The following EPYC variants were observed in gnomAD, a reference collection of about 807,000 sequenced individuals.
The protein encoded by EPYC is dermatan sulfate proteoglycan 3.
Under a neutral mutation model 30.1 loss-of-function variants are expected in EPYC, and 28 were observed. The observed-to-expected ratio is 0.93, with a 90% CI of 0.69 to 1.28. EPYC has a LOEUF of 1.28. Among genes scored for constraint, EPYC ranks in the 50% most tolerant of loss-of-function variants. EPYC has a pLI of 0.00. For synonymous variants in EPYC, 144 were observed against 141.4 expected (o/e 1.02, Z -0.13); for missense variants, 382 against 383.5 (o/e 1.00, Z 0.03).
At chr12:91,000,805 A>AC (rs1877805749) in intron 2 of EPYC, among the ~76,000 whole-genome samples, 1 of 151,618 alleles carries the variant, frequency 6.6e-6, no homozygotes, top group Non-Finnish European at 1.5e-5. Flanking sequence ...TTTTAAAAAA[A>AC]TGTGTTTTTA....
rs1359369928 is a variant in EPYC at position 90,974,072 on chromosome 12, A to ACCCC, written c.341-1096_341-1093dup. 1.9e-3 allele frequency among the ~76,000 whole-genome samples: 281 copies of ACCCC among 144,182 alleles called. 3 individuals carry two copies. Among genetic ancestry groups the ACCCC allele is most frequent in the Non-Finnish European group, 2.6e-4 (17 of 66,550 alleles). The allele number at this position is 144,182 out of a possible 152,430, so 94.6% of individuals were successfully genotyped here. On this transcript the variant is annotated intron_variant, in intron 3 of 6. Coordinates refer to ENST00000261172, the MANE Select transcript of EPYC (RefSeq NM_004950.5). ...CACACACACACACACACACACACACACCCCTACCTCTCCACCCCTTCTTCA... is the reference window on the plus strand; with the variant it reads ...CACACACACACACACACACACACACACCCCCCCCTACCTCTCCACCCCTTCTTCA...
chr12:91,001,953 C>T (rs187392383), intron 2 of EPYC, among the ~76,000 whole-genome samples: 1 of 152,004 alleles, frequency 6.6e-6, no homozygotes, highest in East Asian at 1.9e-4. Flanking sequence ...TTTGGGAAGG[C>T]TGAGGGGGGT....
At chr12:90,973,659 A>C (rs1877109227) in intron 3 of EPYC, among the ~76,000 whole-genome samples, 1 of 152,168 alleles carries the variant, frequency 6.6e-6, no homozygotes, top group Admixed American at 6.6e-5. Flanking sequence ...TGCAGGTAGG[A>C]CAGGAATGGT....
intron 5 of EPYC, among the ~76,000 whole-genome samples, chr12:90,971,436 G>T (rs1243460008): frequency 6.6e-6 from 1 of 152,024 alleles, no homozygotes; most frequent in Non-Finnish European, 1.5e-5. Flanking sequence ...TTGGGAGGCC[G>T]AAGCGGGAGG....
intron 5 of EPYC, 106 bp from the exon 6 acceptor site, chr12:90,970,245 TA>T (rs1234960726): frequency 1.5e-5 from 12 of 783,480 alleles, no homozygotes; most frequent in Middle Eastern, 2.8e-4. Flanking sequence ...CAGATATTTG[TA>T]AAATAGCATG....
chr12:90,994,635 C>T (rs946405229), intron 2 of EPYC, among the ~76,000 whole-genome samples: 7 of 152,066 alleles, frequency 4.6e-5, no homozygotes, highest in Admixed American at 3.9e-4. Flanking sequence ...GTTATGTGCT[C>T]AAGCAGAGCC....
chr12:90,974,308 C>A (rs1357065311), intron 3 of EPYC, among the ~76,000 whole-genome samples: 1 of 151,986 alleles, frequency 6.6e-6, no homozygotes, highest in African/African-American at 2.4e-5. Flanking sequence ...TTAGTTATTG[C>A]AGTGGTTATC....
At chr12:90,979,529 AC>A (rs1877275014) in intron 2 of EPYC, among the ~76,000 whole-genome samples, 1 of 152,172 alleles carries the variant, frequency 6.6e-6, no homozygotes, top group Admixed American at 6.5e-5. Flanking sequence ...ATTTAATATC[AC>A]TTATAATAGA....
At chr12:90,988,830 G>T (rs1322089603) in intron 2 of EPYC, among the ~76,000 whole-genome samples, 2 of 152,020 alleles carry the variant, frequency 1.3e-5, no homozygotes, top group Non-Finnish European at 2.9e-5. Flanking sequence ...TTTCTTTCTT[G>T]CTAGGACTTC....
At chr12:90,976,257 C>T (rs1333820138) in intron 3 of EPYC, among the ~76,000 whole-genome samples, 1 of 151,984 alleles carries the variant, frequency 6.6e-6, no homozygotes, top group Non-Finnish European at 1.5e-5. Context: ...CTATATCATA[C>T]TATTCATAGT....
intron 2 of EPYC, among the ~76,000 whole-genome samples, chr12:90,989,858 A>C (rs1478449144): frequency 1.3e-5 from 2 of 152,040 alleles, no homozygotes; most frequent in Admixed American, 1.3e-4. Flanking sequence ...GAAACTTAAT[A>C]AGTTTCTTAA....
At chr12:90,977,993 GGTCAT>G in intron 3 of EPYC, 90 bp downstream of exon 3, 1 of 1,155,218 alleles carries the variant, frequency 8.7e-7, no homozygotes, top group Non-Finnish European at 1.2e-6. Flanking sequence ...TTTTTTCTTG[GGTCAT>G]GTCATGTGGT....
At chr12:90,975,358 G>C (rs970581003) in intron 3 of EPYC, among the ~76,000 whole-genome samples, 1 of 151,748 alleles carries the variant, frequency 6.6e-6, no homozygotes, top group Non-Finnish European at 1.5e-5. Context: ...CTAACTCAAG[G>C]CTATATTACA....
intron 2 of EPYC, 93 bp downstream of exon 2, chr12:91,002,308 T>A: frequency 9.2e-7 from 1 of 1,087,070 alleles, no homozygotes; most frequent in South Asian, 1.6e-5. Flanking sequence ...TTTCTACTTA[T>A]AAAAAAACCC....
Position 90,963,963 on chromosome 12 carries a change from G to T in EPYC, c.*193C>A. 1 of 436,916 alleles carries T rather than the reference G, an allele frequency of 2.3e-6. No homozygotes were observed. 27.1% of individuals were successfully genotyped at this position (436,916 alleles called of 1,614,324 possible). A position where few individuals can be genotyped will look rare whatever the true frequency, so the allele number is the denominator to read the frequency against. On this transcript the variant is annotated 3_prime_UTR_variant, in exon 7 of 7. Coordinates refer to ENST00000261172, the MANE Select transcript of EPYC (RefSeq NM_004950.5). ...TTTTGCTCTTTTTGTAAATGTTATA[G>T]GTTTATTCCTAACTCATCTGGTGTT...
At chr12:90,990,181 T>A (rs1229433914) in intron 2 of EPYC, among the ~76,000 whole-genome samples, 2 of 152,096 alleles carry the variant, frequency 1.3e-5, no homozygotes, top group African/African-American at 4.8e-5. Flanking sequence ...AGTAATTTAG[T>A]ATTTTTTATT....
At chr12:90,999,295 T>A (rs1398613814) in intron 2 of EPYC, among the ~76,000 whole-genome samples, 2 of 152,112 alleles carry the variant, frequency 1.3e-5, no homozygotes, top group African/African-American at 4.8e-5. Flanking sequence ...TAAGAATTAA[T>A]CTGCCAAAGC....
intron 2 of EPYC, among the ~76,000 whole-genome samples, chr12:90,992,186 A>T (rs1041315485): frequency 1.3e-5 from 2 of 152,134 alleles, no homozygotes; most frequent in African/African-American, 2.4e-5. Flanking sequence ...CACAGTTCAC[A>T]ATAGTGTTTG....
chr12:90,974,030 ACACACACT>A lies in EPYC; in HGVS notation c.341-1058_341-1051del, dbSNP rs1426606688. 2.7e-3 allele frequency among the ~76,000 whole-genome samples: 215 copies of A among 79,702 alleles called. 1 individual carries two copies. Among genetic ancestry groups the A allele is most frequent in the Middle Eastern group, 5.8e-3 (1 of 172 alleles). The allele number at this position is 79,702 out of a possible 152,430, so 52.3% of individuals were successfully genotyped here. On this transcript the variant is annotated intron_variant, in intron 3 of 6. Transcript: ENST00000261172. ...CATACTGATTTTTCTTTTCTGTCTT[ACACACACT>A]CACACACACACACACACACACACAC...
Sources: gnomAD v4.1 joint callset for allele counts (sites outside exome capture counted in the v4.1 genomes callset) on GRCh38, gnomAD v4.1.1 for gene constraint, MANE v1.5 for transcripts, NCBI Gene and HGNC (gene_info 2026-07-23, HGNC 2026-07-21) for gene names.